Variants in NXPE4 observed in about 807,000 individuals in gnomAD.
NXPE4 encodes the protein neurexophilin and PC-esterase domain family member 4.
A neutral mutation model predicts 33.3 loss-of-function variants in NXPE4; 42 were observed. The observed-to-expected ratio is 1.26, with a 90% CI of 0.98 to 1.63. The LOEUF is 1.63. Ranked by LOEUF, NXPE4 falls within the 40% of genes most tolerant of loss-of-function variation. The pLI, the probability that NXPE4 is intolerant of heterozygous loss-of-function variation, is 0.00. For synonymous variants in NXPE4, 253 were observed against 234.9 expected, an observed-to-expected ratio of 1.08 and a Z score of -0.71; for missense variants, 709 against 647.6, an observed-to-expected ratio of 1.09 and a Z score of -1.03.
At chr11:114,675,685 T>C in the NXPE4 span, among the ~76,000 whole-genome samples, 1 of 151,982 alleles carries the variant, frequency 6.6e-6, no homozygotes, top group Non-Finnish European at 1.5e-5. Context: ...CAAAACATTC[T>C]ACAGATTTAA....
the NXPE4 span, among the ~76,000 whole-genome samples, chr11:114,653,391 C>T: frequency 3.3e-5 from 5 of 152,166 alleles, no homozygotes; most frequent in African/African-American, 1.2e-4. Context: ...AATAAACCAT[C>T]TATTTTTTTT....
At chr11:114,617,315 G>A in the NXPE4 span, among the ~76,000 whole-genome samples, 1 of 151,634 alleles carries the variant, frequency 6.6e-6, no homozygotes, top group Non-Finnish European at 1.5e-5. Context: ...ACTAAGTTTT[G>A]CCTCGTGGGT....
the NXPE4 span, among the ~76,000 whole-genome samples, chr11:114,611,163 G>A: frequency 6.6e-6 from 1 of 151,326 alleles, no homozygotes; most frequent in Non-Finnish European, 1.5e-5. Flanking sequence ...AGGATAATAA[G>A]GACTGTCTCA....
At chr11:114,647,765 G>A in the NXPE4 span, among the ~76,000 whole-genome samples, 4 of 151,352 alleles carry the variant, frequency 2.6e-5, no homozygotes, top group East Asian at 7.7e-4. Flanking sequence ...ACAGTGGCAT[G>A]ATCTGGGTTC....
chr11:114,672,342 C>G, the NXPE4 span, among the ~76,000 whole-genome samples: 1 of 151,488 alleles, frequency 6.6e-6, no homozygotes, highest in East Asian at 1.9e-4. Flanking sequence ...AAATATACAG[C>G]AATAATTAAA....
rs572240909 is a variant in NXPE4 at position 114,576,537 on chromosome 11, G to A, written c.1099+3595C>T. ...AAGTCCCATCAAAAAGTGGGCTATAGACATGAATAGACAATTCTCCAAAGA... is the reference window on the plus strand; with the variant it reads ...AAGTCCCATCAAAAAGTGGGCTATAAACATGAATAGACAATTCTCCAAAGA... On this transcript the variant is annotated intron_variant, in intron 5 of 5. Coordinates refer to ENST00000375478, the MANE Select transcript of NXPE4 (RefSeq NM_001077639.2). 5.9e-5 allele frequency among the ~76,000 whole-genome samples: 9 copies of A among 152,072 alleles called. 1 individual carries two copies. In the South Asian group the frequency reaches 8.3e-4, roughly 14 times the overall value.
chr11:114,613,961 C>A, the NXPE4 span, among the ~76,000 whole-genome samples: 19 of 151,402 alleles, frequency 1.3e-4, no homozygotes, highest in Admixed American at 7.9e-4. Context: ...CACTGTTTAC[C>A]GGTGGATAAT....
At chr11:114,652,268 T>C in the NXPE4 span, among the ~76,000 whole-genome samples, 6 of 152,210 alleles carry the variant, frequency 3.9e-5, no homozygotes, top group Non-Finnish European at 7.3e-5. Context: ...ACATTGAGCA[T>C]CTGGAAGGGG....
At chr11:114,636,370 C>T in the NXPE4 span, among the ~76,000 whole-genome samples, 2 of 151,742 alleles carry the variant, frequency 1.3e-5, no homozygotes, top group Non-Finnish European at 2.9e-5. Context: ...CTTTATTAGT[C>T]TGCTAGCGGT....
chr11:114,609,250 T>C, the NXPE4 span, among the ~76,000 whole-genome samples: 1 of 151,776 alleles, frequency 6.6e-6, no homozygotes, highest in African/African-American at 2.4e-5. Flanking sequence ...TCTTACCCAG[T>C]GGTTAATAAG....
the NXPE4 span, among the ~76,000 whole-genome samples, chr11:114,633,864 T>A: frequency 6.6e-6 from 1 of 152,060 alleles, no homozygotes; most frequent in African/African-American, 2.4e-5. Flanking sequence ...CAGTCTATCA[T>A]TTTTGGATAT....
At chr11:114,615,791 A>C in the NXPE4 span, among the ~76,000 whole-genome samples, 1 of 151,034 alleles carries the variant, frequency 6.6e-6, no homozygotes, top group African/African-American at 2.5e-5. Flanking sequence ...ACTGTTACCC[A>C]ATGGATAATA....
chr11:114,631,048 A>C, the NXPE4 span, among the ~76,000 whole-genome samples: 1 of 151,702 alleles, frequency 6.6e-6, no homozygotes, highest in Non-Finnish European at 1.5e-5. Context: ...GGATGTGGAG[A>C]AATAGGAACA....
At chr11:114,633,303 T>G in the NXPE4 span, among the ~76,000 whole-genome samples, 1 of 140,554 alleles carries the variant, frequency 7.1e-6, no homozygotes, top group African/African-American at 2.6e-5. Context: ...TCTAATGTAA[T>G]AAAATATATA....
At chr11:114,610,385 G>A in the NXPE4 span, among the ~76,000 whole-genome samples, 2 of 151,664 alleles carry the variant, frequency 1.3e-5, no homozygotes, top group Admixed American at 6.6e-5. Context: ...ATATTGCCTC[G>A]TGGGTAACCA....
At chr11:114,608,716 A>C in the NXPE4 span, among the ~76,000 whole-genome samples, 4 of 151,976 alleles carry the variant, frequency 2.6e-5, no homozygotes, top group African/African-American at 9.6e-5. Context: ...GTGGATAATA[A>C]GTACTGCCTC....
the NXPE4 span, among the ~76,000 whole-genome samples, chr11:114,622,751 G>A: frequency 3.3e-5 from 5 of 150,626 alleles, no homozygotes; most frequent in South Asian, 4.2e-4. Context: ...GTTACCCAGC[G>A]GATAAGTGTT....
the NXPE4 span, among the ~76,000 whole-genome samples, chr11:114,659,857 A>C: frequency 6.6e-6 from 1 of 152,076 alleles, no homozygotes; most frequent in Admixed American, 6.6e-5. Context: ...AAACAGAAAC[A>C]AAATAAAGTA....
At chr11:114,639,620 C>T in the NXPE4 span, among the ~76,000 whole-genome samples, 1 of 147,356 alleles carries the variant, frequency 6.8e-6, no homozygotes, top group Non-Finnish European at 1.5e-5. Context: ...GCTGCCCCAC[C>T]TATGTAACAT....
Sources: gnomAD v4.1 joint callset for allele counts (sites outside exome capture counted in the v4.1 genomes callset) on GRCh38, gnomAD v4.1.1 for gene constraint, MANE v1.5 for transcripts, NCBI Gene and HGNC (gene_info 2026-07-23, HGNC 2026-07-21) for gene names.